Variants in ROBO1 observed in about 807,000 individuals in gnomAD.
The protein encoded by ROBO1 is roundabout guidance receptor 1.
ROBO1 carries 149 observed loss-of-function variants against 195.9 expected under a neutral mutation model. That is an observed-to-expected ratio of 0.76 (90% CI 0.67 to 0.87). ROBO1 has a LOEUF of 0.87. Ranked by LOEUF, ROBO1 falls within the 40% of genes least tolerant of loss-of-function variation. The pLI, the probability that ROBO1 is intolerant of heterozygous loss-of-function variation, is 0.00. For synonymous variants in ROBO1, 816 were observed against 733.2 expected (o/e 1.11, Z -1.82); for missense variants, 1,933 against 2,068.3 (o/e 0.93, Z 1.27).
intron 2 of ROBO1, among the ~76,000 whole-genome samples, chr3:79,135,874 T>C (rs1214558712): frequency 6.6e-6 from 1 of 152,172 alleles, no homozygotes; most frequent in African/African-American, 2.4e-5. Flanking sequence ...AGGCCTCAGG[T>C]GATCCACCCG....
At chr3:79,360,347 A>C (rs2035719673) in intron 2 of ROBO1, among the ~76,000 whole-genome samples, 1 of 151,980 alleles carries the variant, frequency 6.6e-6, no homozygotes, top group Non-Finnish European at 1.5e-5. Flanking sequence ...CCGTGAATAA[A>C]TTTTCTGAGG....
intron 20 of ROBO1, 121 bp downstream of exon 20, chr3:78,647,508 C>T (rs1205642085): frequency 2.1e-6 from 2 of 935,700 alleles, no homozygotes; most frequent in Non-Finnish European, 3.5e-6. Context: ...TCAAGTATTA[C>T]ATTCCACTTT....
At chr3:79,454,317 G>C (rs1337381071) in intron 2 of ROBO1, among the ~76,000 whole-genome samples, 1 of 152,012 alleles carries the variant, frequency 6.6e-6, no homozygotes, top group Non-Finnish European at 1.5e-5. Flanking sequence ...TTATTTATTT[G>C]TCAAGGCATG....
intron 3 of ROBO1, among the ~76,000 whole-genome samples, chr3:78,973,447 C>T (rs2076813021): frequency 7.1e-6 from 1 of 140,818 alleles, no homozygotes; most frequent in African/African-American, 2.7e-5. Context: ...AGAAGCTATA[C>T]AAGAAGCTAT....
rs143520747 is a variant in ROBO1 at position 79,736,616 on chromosome 3, A to C, written c.-51+31136T>G. On this transcript the variant is annotated intron_variant, in intron 1 of 30. Coordinates refer to ENST00000464233, the MANE Select transcript of ROBO1 (RefSeq NM_002941.4). ...GTGTTCTGTGGGTGTACCTCCTCAA[A>C]GTTTTAAATGCCTCACAATTCAGTG... 4.6e-3 allele frequency among the ~76,000 whole-genome samples: 704 copies of C among 152,304 alleles called. 4 individuals carry two copies. Among genetic ancestry groups the C allele is most frequent in the African/African-American group, 0.016 (666 of 41,574 alleles).
intron 2 of ROBO1, among the ~76,000 whole-genome samples, chr3:79,341,014 A>C (rs969805615): frequency 6.6e-6 from 1 of 152,272 alleles, no homozygotes; most frequent in Non-Finnish European, 1.5e-5. Context: ...TAGTAATTTT[A>C]TAAATGCAAG....
At chr3:79,278,638 T>C (rs141215234) in intron 2 of ROBO1, among the ~76,000 whole-genome samples, 3 of 152,118 alleles carry the variant, frequency 2.0e-5, no homozygotes, top group Admixed American at 6.5e-5. Context: ...AACATTCATA[T>C]GCAGAAGAAG....
chr3:79,451,944 G>A (rs548132304), intron 2 of ROBO1, among the ~76,000 whole-genome samples: 1 of 151,352 alleles, frequency 6.6e-6, no homozygotes, highest in Non-Finnish European at 1.5e-5. Flanking sequence ...ATAAAATGAT[G>A]GGGCATTCAA....
intron 2 of ROBO1, among the ~76,000 whole-genome samples, chr3:79,284,739 AC>A (rs1559790219): frequency 6.6e-6 from 1 of 152,220 alleles, no homozygotes; most frequent in Non-Finnish European, 1.5e-5. Context: ...TCACTTAGTT[AC>A]ACTTAGAAGA....
intron 1 of ROBO1, among the ~76,000 whole-genome samples, chr3:79,616,875 T>A (rs1203637391): frequency 1.3e-5 from 2 of 152,102 alleles, no homozygotes; most frequent in African/African-American, 2.4e-5. Flanking sequence ...CCACTCCATA[T>A]GTGGAGCAGC....
At chr3:79,273,775 A>G (rs1559781731) in intron 2 of ROBO1, among the ~76,000 whole-genome samples, 1 of 152,060 alleles carries the variant, frequency 6.6e-6, no homozygotes, top group Non-Finnish European at 1.5e-5. Context: ...CATTTCACCT[A>G]TAAAAGGTAC....
intron 2 of ROBO1, among the ~76,000 whole-genome samples, chr3:79,274,763 A>T (rs557579154): frequency 1.4e-4 from 21 of 152,108 alleles, no homozygotes; most frequent in African/African-American, 4.8e-4. Context: ...AAAAAGGGGT[A>T]AGACCAAAGT....
At chr3:79,690,120 G>A (rs1476624048) in intron 1 of ROBO1, among the ~76,000 whole-genome samples, 1 of 151,762 alleles carries the variant, frequency 6.6e-6, no homozygotes, top group African/African-American at 2.4e-5. Context: ...AAAAGTATTA[G>A]GAAAAGTAAT....
intron 2 of ROBO1, among the ~76,000 whole-genome samples, chr3:79,150,001 A>G (rs1423852688): frequency 6.6e-6 from 1 of 151,780 alleles, no homozygotes; most frequent in East Asian, 2.0e-4. Context: ...TAAAAATCAT[A>G]AAAGGTGAAG....
At chr3:79,103,615 C>G (rs1008614459) in intron 3 of ROBO1, among the ~76,000 whole-genome samples, 2 of 151,796 alleles carry the variant, frequency 1.3e-5, no homozygotes, top group East Asian at 1.9e-4. Context: ...TCAGACTACA[C>G]CTTTATGATT....
intron 2 of ROBO1, among the ~76,000 whole-genome samples, chr3:79,436,065 A>G (rs1322334210): frequency 6.6e-6 from 1 of 152,188 alleles, no homozygotes; most frequent in Non-Finnish European, 1.5e-5. Flanking sequence ...ATGCCAGGAA[A>G]ACACTGGACC....
chr3:79,528,636 T>G (rs1488989625), intron 2 of ROBO1, among the ~76,000 whole-genome samples: 1 of 152,184 alleles, frequency 6.6e-6, no homozygotes, highest in Non-Finnish European at 1.5e-5. Flanking sequence ...ATGTCAAAAG[T>G]AAGTGTCTGT....
At chr3:79,351,033 A>G (rs1447856853) in intron 2 of ROBO1, among the ~76,000 whole-genome samples, 1 of 152,116 alleles carries the variant, frequency 6.6e-6, no homozygotes, top group African/African-American at 2.4e-5. Flanking sequence ...TTTAAAATTG[A>G]TTATAGTGAA....
intron 3 of ROBO1, among the ~76,000 whole-genome samples, chr3:79,043,270 C>T (rs1455352011): frequency 6.6e-6 from 1 of 152,072 alleles, no homozygotes; most frequent in African/African-American, 2.4e-5. Context: ...GTCAATTTAA[C>T]ACCAAATCAC....
Sources: allele counts gnomAD v4.1 joint callset (sites outside exome capture counted in the v4.1 genomes callset), GRCh38; gene constraint gnomAD v4.1.1; transcripts MANE v1.5; gene names NCBI Gene and HGNC (gene_info 2026-07-23, HGNC 2026-07-21).